Variants in FLT1 observed in about 807,000 individuals in gnomAD.
FLT1 encodes vascular endothelial growth factor receptor 1.
A neutral mutation model predicts 156.3 loss-of-function variants in FLT1; 49 were observed. That is an observed-to-expected ratio of 0.31 (90% CI 0.25 to 0.40). The LOEUF (loss-of-function observed/expected upper bound fraction) is 0.40, where lower values mean the gene tolerates loss of function less well. Among genes scored for constraint, FLT1 ranks in the 10% least tolerant of loss-of-function variants. The probability of loss-of-function intolerance (pLI) is 1.00; values close to 1 mark genes in which losing one functional copy is unlikely to be tolerated. For synonymous variants in FLT1, 594 were observed against 583.8 expected, an observed-to-expected ratio of 1.02 and a Z score of -0.25; for missense variants, 1,322 against 1,637.2, an observed-to-expected ratio of 0.81 and a Z score of 3.32.
intron 25 of FLT1, among the ~76,000 whole-genome samples, chr13:28,313,593 C>G (rs942785263): frequency 6.6e-6 from 1 of 152,136 alleles, no homozygotes; most frequent in African/African-American, 2.4e-5. Context: ...TTCCACACCT[C>G]TCGCCTACCA....
chr13:28,318,852 C>T (rs542718081), intron 24 of FLT1, among the ~76,000 whole-genome samples: 4 of 152,304 alleles, frequency 2.6e-5, no homozygotes, highest in Admixed American at 2.0e-4. Flanking sequence ...GACTTCCAGC[C>T]ACCCATAGTG....
intron 13 of FLT1, chr13:28,388,242 T>C: frequency 9.5e-7 from 1 of 1,057,648 alleles, no homozygotes; most frequent in South Asian, 4.6e-5. Context: ...TCCATAAAAC[T>C]GGCATTCTGG....
intron 10 of FLT1, among the ~76,000 whole-genome samples, chr13:28,424,517 ATATT>A (rs1877228729): frequency 6.6e-6 from 1 of 152,172 alleles, no homozygotes; most frequent in Admixed American, 6.5e-5. Context: ...ACATATTTAC[ATATT>A]TATTAGACTC....
At chr13:28,425,652 T>G (rs1271172827) in intron 10 of FLT1, among the ~76,000 whole-genome samples, 1 of 152,186 alleles carries the variant, frequency 6.6e-6, no homozygotes, top group African/African-American at 2.4e-5. Flanking sequence ...AATTTAAATA[T>G]ATTTAGAAAA....
intron 10 of FLT1, among the ~76,000 whole-genome samples, chr13:28,412,369 T>TTTCTTTCTTTCTTTCTTTCCTTCCTTCC (rs1566013053): frequency 2.4e-5 from 2 of 83,074 alleles, no homozygotes; most frequent in African/African-American, 6.8e-5. Flanking sequence ...TCTTTCTTTC[T>TTTCTTTCTTTCTTTCTTTCCTTCCTTCC]TTCTTTCTTT....
At chr13:28,477,962 A>G (rs1328509039) in intron 1 of FLT1, among the ~76,000 whole-genome samples, 1 of 152,226 alleles carries the variant, frequency 6.6e-6, no homozygotes, top group Non-Finnish European at 1.5e-5. Flanking sequence ...ATGTGAGACT[A>G]AATATACAGG....
intron 3 of FLT1, among the ~76,000 whole-genome samples, chr13:28,451,983 GC>G (rs1334875626): frequency 6.6e-6 from 1 of 152,168 alleles, no homozygotes; most frequent in Non-Finnish European, 1.5e-5. Context: ...GTGGAAATAT[GC>G]GCCAGTGTGG....
intron 1 of FLT1, among the ~76,000 whole-genome samples, chr13:28,485,163 T>C (rs1375732329): frequency 1.6e-4 from 25 of 152,166 alleles, no homozygotes; most frequent in Admixed American, 1.6e-3. Context: ...CAATTACATA[T>C]ATTGATTGTA....
In FLT1 at chr13:28,405,870, T is replaced by C. The variant is rs1171682021; in HGVS notation, c.1461A>G (p.Glu487=). 1 of 1,606,352 alleles carries C rather than the reference T, an allele frequency of 6.2e-7. No individual in the cohort carries two copies. The highest frequency in any genetic ancestry group is 8.5e-7 in the Non-Finnish European group (1 of 1,174,974). ...EARCDFCSNN[E]ESFILDADSN... ...TGTCAGCATCCAGGATAAAGGACTC[T>C]TCATTATTGGAACAAAAGTCACACC... Residue 487 remains glutamate (E), a synonymous_variant, in exon 11 of 30, where the codon GAA becomes GAG. Coordinates refer to ENST00000282397, the MANE Select transcript of FLT1 (RefSeq NM_002019.4).
intron 3 of FLT1, among the ~76,000 whole-genome samples, chr13:28,462,446 A>C (rs1879631493): frequency 6.6e-6 from 1 of 152,214 alleles, no homozygotes; most frequent in Admixed American, 6.5e-5. Context: ...AATTAATAGA[A>C]GAATTGTACT....
intron 1 of FLT1, among the ~76,000 whole-genome samples, chr13:28,494,469 A>G (rs569084636): frequency 6.6e-6 from 1 of 152,200 alleles, no homozygotes; most frequent in East Asian, 1.9e-4. Flanking sequence ...CTCGGCAGTG[A>G]GACCCCAACC....
chr13:28,361,657 G>A (rs1034890290), intron 14 of FLT1, among the ~76,000 whole-genome samples: 1 of 152,162 alleles, frequency 6.6e-6, no homozygotes, highest in African/African-American at 2.4e-5. Context: ...GAAATAAATA[G>A]CAAGAGTGGA....
rs1005830686 is a variant in FLT1 at position 28,431,508 on chromosome 13, G to A, written c.814-198C>T. On this transcript the variant is annotated intron_variant, in intron 6 of 29. Coordinates refer to ENST00000282397, the MANE Select transcript of FLT1 (RefSeq NM_002019.4). ...GTGCTTCAAATATGTAGCATAGCAG[G>A]ATTTATTTAGCACTTAATTTTCTTC... is the stretch of plus-strand genomic sequence containing the variant. 3.3e-5 allele frequency among the ~76,000 whole-genome samples: 5 copies of A among 152,130 alleles called. No individual in the cohort carries two copies. In the South Asian group the frequency reaches 6.2e-4, roughly 19 times the overall value.
At chr13:28,458,807 T>G (rs1185181172) in intron 3 of FLT1, among the ~76,000 whole-genome samples, 1 of 152,214 alleles carries the variant, frequency 6.6e-6, no homozygotes, top group Non-Finnish European at 1.5e-5. Flanking sequence ...TTCTCTAAAC[T>G]CTCACCATGT....
At chr13:28,459,629 A>G (rs535079075) in intron 3 of FLT1, among the ~76,000 whole-genome samples, 84 of 152,348 alleles carry the variant, frequency 5.5e-4, no homozygotes, top group Admixed American at 1.2e-3. Context: ...TGCCTAAAAA[A>G]TTCAACCAAC....
Position 28,427,743 on chromosome 13 carries a change from CA to C in FLT1, c.1276+8del, listed in dbSNP as rs1877431341. On this transcript the variant is annotated splice_region_variant and intron_variant, in intron 9 of 29. Coordinates refer to ENST00000282397, the MANE Select transcript of FLT1 (RefSeq NM_002019.4). Reference sequence around the variant, plus strand: ...CAGAACCAGAAGAAAGTATGAACAGCAAACTTACCATTGACAATTAGAGTGG... The same window carrying C: ...CAGAACCAGAAGAAAGTATGAACAGCAACTTACCATTGACAATTAGAGTGG... 4 of 1,612,688 alleles carry C rather than the reference CA, an allele frequency of 2.5e-6. No individual in the cohort carries two copies. In the South Asian group the frequency reaches 4.4e-5, roughly 18 times the overall value.
At chr13:28,408,686 A>AC (rs1035889746) in intron 10 of FLT1, among the ~76,000 whole-genome samples, 1 of 152,142 alleles carries the variant, frequency 6.6e-6, no homozygotes, top group African/African-American at 2.4e-5. Flanking sequence ...CTGATTTCGC[A>AC]CAGGAAGTCC....
intron 3 of FLT1, among the ~76,000 whole-genome samples, chr13:28,454,251 C>T (rs79315215): frequency 1.3e-4 from 20 of 152,308 alleles, no homozygotes; most frequent in African/African-American, 4.8e-4. Flanking sequence ...CTACTGCCTC[C>T]TAAGTGTTAG....
chr13:28,354,156 C>T (rs1260716372), intron 15 of FLT1, among the ~76,000 whole-genome samples: 1 of 152,114 alleles, frequency 6.6e-6, no homozygotes, highest in Non-Finnish European at 1.5e-5. Context: ...GAAGAAGAGT[C>T]CCATTTCAAT....
Sources: gnomAD v4.1 joint callset for allele counts (sites outside exome capture counted in the v4.1 genomes callset) on GRCh38, gnomAD v4.1.1 for gene constraint, MANE v1.5 for transcripts, NCBI Gene and HGNC (gene_info 2026-07-23, HGNC 2026-07-21) for gene names.